Variants in TRAF2 observed in about 807,000 individuals in gnomAD.
The protein encoded by TRAF2 is TNF receptor associated factor 2.
Under a neutral mutation model 55.6 loss-of-function variants are expected in TRAF2, and 6 were observed. The ratio of observed to expected loss-of-function variants is 0.11; its 90% CI spans 0.06 to 0.21. The LOEUF (loss-of-function observed/expected upper bound fraction) is 0.21, where lower values mean the gene tolerates loss of function less well. Ranked by LOEUF, TRAF2 falls within the 10% of genes least tolerant of loss-of-function variation. The probability of loss-of-function intolerance (pLI) is 1.00; values close to 1 mark genes in which losing one functional copy is unlikely to be tolerated. For synonymous variants in TRAF2, 329 were observed against 276.3 expected (o/e 1.19, Z -1.89); for missense variants, 561 against 684.5 (o/e 0.82, Z 2.01).
intron 4 of TRAF2, among the ~76,000 whole-genome samples, chr9:136,905,862 T>C (rs367743068): frequency 6.6e-6 from 1 of 152,150 alleles, no homozygotes; most frequent in African/African-American, 2.4e-5. Flanking sequence ...CCCAGCACTT[T>C]GGGAGGCCAA....
intron 8 of TRAF2, 105 bp from the exon 9 acceptor site, chr9:136,920,933 G>A (rs1850369252): frequency 7.3e-7 from 1 of 1,377,568 alleles, no homozygotes; most frequent in African/African-American, 1.4e-5. Context: ...TGGAGCCCAG[G>A]GGTGCCCAAG....
At chr9:136,901,099 T>TGGGTGCTGGGCGAGCC (rs1849810166) in intron 4 of TRAF2, among the ~76,000 whole-genome samples, 1 of 151,868 alleles carries the variant, frequency 6.6e-6, no homozygotes, top group South Asian at 2.1e-4. Flanking sequence ...GGTTTGTCCC[T>TGGGTGCTGGGCGAGCC]GTGTGCTGGG....
rs1387242207 is a variant in TRAF2 at position 136,916,462 on chromosome 9, C to A, written c.604-79C>A. 4 of 1,427,756 alleles carry A rather than the reference C, an allele frequency of 2.8e-6. No homozygotes were observed. The Admixed American group carries it at 6.7e-5, about 24-fold the overall frequency. 88.4% of individuals were successfully genotyped at this position (1,427,756 alleles called of 1,614,324 possible). ...GGGGCAGGTCATGTAACCTCTGTGT[C>A]AGTCAGTGTGGTCCATGTGGAAGTG... is the stretch of plus-strand genomic sequence containing the variant. On this transcript the variant is annotated intron_variant, in intron 6 of 10. Coordinates refer to ENST00000247668, the MANE Select transcript of TRAF2 (RefSeq NM_021138.4).
intron 9 of TRAF2, among the ~76,000 whole-genome samples, chr9:136,921,489 G>A (rs1369893770): frequency 2.0e-5 from 3 of 152,020 alleles, no homozygotes; most frequent in Non-Finnish European, 4.4e-5. Context: ...GTCACCCACA[G>A]CCTGGTCCTC....
chr9:136,923,776 G>T, intron 9 of TRAF2, 76 bp from the exon 10 acceptor site: 2 of 1,513,894 alleles, frequency 1.3e-6, no homozygotes, highest in Admixed American at 1.8e-5. Context: ...CCCTGGGGGA[G>T]GGCAGCCAGG....
At chr9:136,885,279 T>C (rs914841319), upstream of TRAF2, among the ~76,000 whole-genome samples, 3 of 152,206 alleles carry the variant, frequency 2.0e-5, no homozygotes, top group African/African-American at 7.2e-5. Context: ...TCTGAATGCT[T>C]GGAGGAGACT....
chr9:136,899,027 G>A, intron 2 of TRAF2, 99 bp downstream of exon 2: 1 of 1,169,802 alleles, frequency 8.5e-7, no homozygotes, highest in Admixed American at 2.5e-5. Context: ...GCCGGGTCCA[G>A]CTTAGATGTG....
intron 4 of TRAF2, among the ~76,000 whole-genome samples, chr9:136,903,534 TGA>T (rs1335980472): frequency 2.6e-5 from 2 of 76,132 alleles, no homozygotes; most frequent in African/African-American, 6.2e-5. Flanking sequence ...GAATAAATAT[TGA>T]TTTTTTTTTT....
chr9:136,889,278 C>A (rs1404779202), intron 1 of TRAF2, among the ~76,000 whole-genome samples: 1 of 150,858 alleles, frequency 6.6e-6, no homozygotes, highest in Non-Finnish European at 1.5e-5. Flanking sequence ...GCCACCACGC[C>A]TGGCCTTTTT....
intron 6 of TRAF2, among the ~76,000 whole-genome samples, chr9:136,913,901 C>G (rs1315414928): frequency 6.6e-6 from 1 of 152,098 alleles, no homozygotes; most frequent in Non-Finnish European, 1.5e-5. Flanking sequence ...GGGACATGTG[C>G]AGGGCTGAGC....
intron 2 of TRAF2, among the ~76,000 whole-genome samples, 200 bp from the exon 3 acceptor site, chr9:136,899,394 A>G (rs1408333601): frequency 6.6e-6 from 1 of 152,200 alleles, no homozygotes; most frequent in African/African-American, 2.4e-5. Flanking sequence ...CCTTCCTCAC[A>G]AACGGAGTGA....
chr9:136,903,906 TCTC>T (rs1331750870), intron 4 of TRAF2, among the ~76,000 whole-genome samples: 1 of 152,156 alleles, frequency 6.6e-6, no homozygotes, highest in Non-Finnish European at 1.5e-5. Context: ...ATGGTCTCGA[TCTC>T]CTGACCTCGT....
Position 136,910,124 on chromosome 9 carries a change from A to G in TRAF2, c.603+130A>G, listed in dbSNP as rs1185165644. Reference sequence around the variant, plus strand: ...AGGAACAGCAGTGCAAAGCCCCTGTAACGTTGGGTCATGGATGCGTTCAGG... The same window carrying G: ...AGGAACAGCAGTGCAAAGCCCCTGTGACGTTGGGTCATGGATGCGTTCAGG... On this transcript the variant is annotated intron_variant, in intron 6 of 10. Transcript: ENST00000247668. 5 of 1,025,182 alleles carry G rather than the reference A, an allele frequency of 4.9e-6. No homozygotes were observed. In the Admixed American group the frequency reaches 8.1e-5, roughly 17 times the overall value. The allele number at this position is 1,025,182 out of a possible 1,614,324, so 63.5% of individuals were successfully genotyped here. A position where few individuals can be genotyped will look rare whatever the true frequency, so the allele number is the denominator to read the frequency against.
At chr9:136,897,499 G>A (rs1484115312) in intron 1 of TRAF2, among the ~76,000 whole-genome samples, 8 of 151,820 alleles carry the variant, frequency 5.3e-5, no homozygotes, top group East Asian at 1.9e-4. Flanking sequence ...CCCCAGGTGC[G>A]CCACATTCCT....
chr9:136,895,399 G>C (rs1849659274), intron 1 of TRAF2, among the ~76,000 whole-genome samples: 1 of 152,218 alleles, frequency 6.6e-6, no homozygotes, highest in Non-Finnish European at 1.5e-5. Context: ...GGTGTGCAGT[G>C]TTAGGACCTG....
intron 6 of TRAF2, among the ~76,000 whole-genome samples, chr9:136,913,970 G>T (rs775439116): frequency 1.3e-5 from 2 of 152,198 alleles, no homozygotes; most frequent in Non-Finnish European, 2.9e-5. Flanking sequence ...TGTGGGGCTC[G>T]CTGGATAGGA....
rs1452991636 is a variant in TRAF2, at chr9:136,908,205, G to T, written c.502G>T (p.Ala168Ser). The T allele has an allele frequency of 4.0e-5, 64 of 1,596,360 alleles. No individual in the cohort carries two copies. The East Asian group carries it at 1.4e-3, about 34-fold the overall frequency. ...ERSLSCRHCR[A>S]PCCGADVKAH... ...AAGCCTGAGCTGCCGGCATTGCCGG[G>T]CACCCTGCTGCGGAGCAGACGTGAA... The change falls in exon 5 of 11, where the codon GCA (alanine) becomes TCA (serine). Residue 168 changes from alanine (A) to serine (S), a missense_variant. Ala to Ser is a moderately conservative substitution (Grantham distance 99, BLOSUM62 1). Around this residue, in one of 2 missense-constraint regions of TRAF2, gnomAD observed 426 missense variants for 476.8 expected, o/e 0.89. Transcript: ENST00000247668.
At position 136,898,722 on chromosome 9, in the gene TRAF2, C is replaced by A. The variant is rs780583274; in HGVS notation, c.-19C>A. 3 of 1,612,720 alleles carry A rather than the reference C, an allele frequency of 1.9e-6. No individual in the cohort carries two copies. The highest frequency in any genetic ancestry group is 1.3e-5 in the African/African-American group (1 of 74,932). Reference sequence around the variant, plus strand: ...GTGTGTTCTTCCTTAGGGCTTTGTTCGCGGGGGTCACAGCTCTCATGGCTG... The same window carrying A: ...GTGTGTTCTTCCTTAGGGCTTTGTTAGCGGGGGTCACAGCTCTCATGGCTG... On this transcript the variant is annotated 5_prime_UTR_variant, in exon 2 of 11. Coordinates refer to ENST00000247668, the MANE Select transcript of TRAF2 (RefSeq NM_021138.4).
In TRAF2 at chr9:136,926,294, T is replaced by G. The variant is rs1383721926; in HGVS notation, c.*393T>G. The G allele has an allele frequency of 5.6e-6, 2 of 356,682 alleles. No individual in the cohort carries two copies. Among genetic ancestry groups the G allele is most frequent in the Non-Finnish European group, 5.5e-6 (1 of 181,398 alleles). 22.1% of individuals were successfully genotyped at this position (356,682 alleles called of 1,614,324 possible). ...AGCACAGTGGATGGCCTTGTGTCCC[T>G]CGGGCATGACAGGCAGAAACGAGGG... On this transcript the variant is annotated 3_prime_UTR_variant, in exon 11 of 11. Transcript: ENST00000247668.
Sources: gnomAD v4.1 joint callset for allele counts (sites outside exome capture counted in the v4.1 genomes callset) on GRCh38, gnomAD v4.1.1 for gene constraint, gnomAD v4.1.1 regional missense constraint, MANE v1.5 for transcripts, NCBI Gene and HGNC (gene_info 2026-07-23, HGNC 2026-07-21) for gene names.